Variants in ATP5F1A observed in about 807,000 individuals in gnomAD.
ATP5F1A encodes ATP synthase F(1) complex subunit alpha, mitochondrial.
Under a neutral mutation model 57.4 loss-of-function variants are expected in ATP5F1A, and 24 were observed. The ratio of observed to expected loss-of-function variants is 0.42; its 90% CI spans 0.30 to 0.59. ATP5F1A has a LOEUF of 0.59. Ranked by LOEUF, ATP5F1A falls within the 20% of genes least tolerant of loss-of-function variation. ATP5F1A has a pLI of 0.19. For missense variants in ATP5F1A, 494 were observed against 707.9 expected (o/e 0.70, Z 3.43); for synonymous variants, 251 against 255.5 (o/e 0.98, Z 0.17).
chr18:46,089,493 T>G, intron 5 of ATP5F1A, 73 bp downstream of exon 5: 1 of 1,553,610 alleles, frequency 6.4e-7, no homozygotes, highest in South Asian at 1.2e-5. Context: ...CATTTACCAT[T>G]CCAAGACTAA....
intron 6 of ATP5F1A, 76 bp downstream of exon 6, chr18:46,088,033 T>A (rs1202034449): frequency 1.3e-6 from 2 of 1,506,146 alleles, no homozygotes; most frequent in Non-Finnish European, 1.8e-6. Flanking sequence ...TATGCCTTCA[T>A]TAAGTAGAAG....
At chr18:46,084,897 T>C (rs1051965459) in intron 10 of ATP5F1A, 5 of 384,306 alleles carry the variant, frequency 1.3e-5, no homozygotes, top group African/African-American at 8.3e-5. Flanking sequence ...CCATAAGCAC[T>C]GTTTATAATC....
chr18:46,100,410 G>A (rs1027960845), upstream of ATP5F1A, among the ~76,000 whole-genome samples: 9 of 152,218 alleles, frequency 5.9e-5, no homozygotes, highest in East Asian at 1.4e-3. Flanking sequence ...TCTTTGGTAC[G>A]TCAGAAGAAC....
chr18:46,086,715 A>C (rs1910125038), intron 8 of ATP5F1A: 1 of 596,950 alleles, frequency 1.7e-6, no homozygotes, highest in African/African-American at 1.9e-5. Flanking sequence ...TTATACTGAA[A>C]TACATACAAA....
Position 46,084,186 on chromosome 18 carries a change from A to T in ATP5F1A, c.*96T>A. The T allele has an allele frequency of 3.1e-6, 3 of 974,904 alleles. No individual in the cohort carries two copies. Among genetic ancestry groups the T allele is most frequent in the Non-Finnish European group, 3.1e-6 (2 of 653,888 alleles). 60.4% of individuals were successfully genotyped at this position (974,904 alleles called of 1,614,324 possible). Reference sequence around the variant, plus strand: ...CCTTTATTTTTCATGTGATTTCTGTACATAAGGAGTATGAGAGTAACCCTT... The same window carrying T: ...CCTTTATTTTTCATGTGATTTCTGTTCATAAGGAGTATGAGAGTAACCCTT... On this transcript the variant is annotated 3_prime_UTR_variant, in exon 12 of 12. Transcript: ENST00000398752.
At chr18:46,098,396 A>AT (rs1911147678), upstream of ATP5F1A, 6 of 1,288,834 alleles carry the variant, frequency 4.7e-6, no homozygotes, top group Admixed American at 1.2e-4. Context: ...GCCACTCTGC[A>AT]TTTTTTGGCA....
chr18:46,095,365 C>T (rs1179295067), intron 1 of ATP5F1A, among the ~76,000 whole-genome samples: 1 of 152,030 alleles, frequency 6.6e-6, no homozygotes, highest in Non-Finnish European at 1.5e-5. Flanking sequence ...GCAGTCTGTA[C>T]TTTATTATTA....
chr18:46,087,568 C>G, intron 6 of ATP5F1A, 76 bp from the exon 7 acceptor site: 2 of 1,504,342 alleles, frequency 1.3e-6, no homozygotes, highest in Non-Finnish European at 1.8e-6. Flanking sequence ...TACCTAAGTG[C>G]TAAAAATATT....
intron 2 of ATP5F1A, among the ~76,000 whole-genome samples, chr18:46,094,441 G>A (rs1910796833): frequency 6.6e-6 from 1 of 152,082 alleles, no homozygotes; most frequent in African/African-American, 2.4e-5. Flanking sequence ...GGCCGAGGCA[G>A]GCATATCACA....
chr18:46,098,077 G>A, intron 1 of ATP5F1A, 95 bp downstream of exon 1: 1 of 1,463,924 alleles, frequency 6.8e-7, no homozygotes, highest in Non-Finnish European at 9.0e-7. Flanking sequence ...ATTCGCCACA[G>A]CCCCTCGCCC....
At chr18:46,095,002 T>C in intron 2 of ATP5F1A, 51 bp downstream of exon 2, 2 of 1,546,946 alleles carry the variant, frequency 1.3e-6, no homozygotes, top group Non-Finnish European at 1.7e-6. Context: ...ATGTATGTAA[T>C]TTATATCTTC....
chr18:46,095,795 A>AT (rs1305899518), intron 1 of ATP5F1A, among the ~76,000 whole-genome samples: 2 of 151,420 alleles, frequency 1.3e-5, no homozygotes, highest in Non-Finnish European at 2.9e-5. Context: ...TTTTGTACTT[A>AT]TTTTTTTTAT....
upstream of ATP5F1A, among the ~76,000 whole-genome samples, chr18:46,098,769 C>T (rs1911169173): frequency 6.6e-6 from 1 of 152,336 alleles, no homozygotes. Flanking sequence ...ATCTGCAGAT[C>T]TTAGCCCCAC....
At chr18:46,098,407 G>T, upstream of ATP5F1A, 3 of 1,359,464 alleles carry the variant, frequency 2.2e-6, no homozygotes, top group South Asian at 3.5e-5. Context: ...TTTTTTGGCA[G>T]GTTACTTATT....
chr18:46,092,680 T>C lies in ATP5F1A; in HGVS notation c.140-829A>G, dbSNP rs562163303. Among the ~76,000 whole-genome samples, 7 of 150,320 alleles carry C rather than the reference T, an allele frequency of 4.7e-5. No homozygotes were observed. In the East Asian group the frequency reaches 1.2e-3, roughly 25 times the overall value. Reference sequence around the variant, plus strand: ...ATTCTATTTTTAAAAGCTATGAAAATAAAACCAAGTGATTAAGGAAAAAAA... The same window carrying C: ...ATTCTATTTTTAAAAGCTATGAAAACAAAACCAAGTGATTAAGGAAAAAAA... On this transcript the variant is annotated intron_variant, in intron 2 of 11. Coordinates refer to ENST00000398752, the MANE Select transcript of ATP5F1A (RefSeq NM_004046.6).
chr18:46,098,069 T>C (rs3753069), intron 1 of ATP5F1A, 103 bp downstream of exon 1: 806,338 of 1,444,410 alleles, frequency 0.56, 226,273 homozygotes, highest in African/African-American at 0.69. Context: ...ATGGCGGCAT[T>C]CGCCACAGCC....
In ATP5F1A at chr18:46,081,673, C is replaced by CAAAAA. The variant is rs1159742250; in HGVS notation, c.*2604_*2608dup. 2.7e-5 allele frequency: 2 copies of CAAAAA among 75,446 alleles called. No individual in the cohort carries two copies. Among genetic ancestry groups the CAAAAA allele is most frequent in the African/African-American group, 4.6e-5 (1 of 21,644 alleles). 4.7% of individuals were successfully genotyped at this position (75,446 alleles called of 1,614,324 possible). A position where few individuals can be genotyped will look rare whatever the true frequency, so the allele number is the denominator to read the frequency against. On this transcript the variant is annotated 3_prime_UTR_variant, in exon 12 of 12. Transcript: ENST00000398752. ...GAGCAAAACTCTCAAAAAAAAAAAA[C>CAAAAA]AAAAAAAAAAAAAAAAAAAAAAAAC...
chr18:46,093,797 T>C (rs7230064), intron 2 of ATP5F1A, among the ~76,000 whole-genome samples: 58,448 of 151,098 alleles, frequency 0.39, 11,628 homozygotes, highest in Middle Eastern at 0.53. Context: ...GCACTCCAGC[T>C]TGGGCAACAG....
rs764064861 is a variant in ATP5F1A at position 46,098,019 on chromosome 18, G to A, written c.60+153C>T. On this transcript the variant is annotated intron_variant, in intron 1 of 11. Transcript: ENST00000398752. ...AGGTGACGAGCAAAAGGGCACCTGTGTCGCCTGCTCTGTCCAGCCGGAGAA... is the reference window on the plus strand; with the variant it reads ...AGGTGACGAGCAAAAGGGCACCTGTATCGCCTGCTCTGTCCAGCCGGAGAA... 2.8e-5 allele frequency: 39 copies of A among 1,417,146 alleles called. No homozygotes were observed. In the African/African-American group the frequency reaches 5.1e-4, roughly 19 times the overall value. 87.8% of individuals were successfully genotyped at this position (1,417,146 alleles called of 1,614,324 possible). A position where few individuals can be genotyped will look rare whatever the true frequency, so the allele number is the denominator to read the frequency against.
Sources: allele counts gnomAD v4.1 joint callset (sites outside exome capture counted in the v4.1 genomes callset), GRCh38; gene constraint gnomAD v4.1.1; transcripts MANE v1.5; gene names NCBI Gene and HGNC (gene_info 2026-07-23, HGNC 2026-07-21).